MYO3B: variants seen among roughly 807,000 people sequenced by gnomAD.
MYO3B encodes the protein myosin IIIB.
A neutral mutation model predicts 174.6 loss-of-function variants in MYO3B; 156 were observed. The observed-to-expected ratio is 0.89, with a 90% CI of 0.78 to 1.02. The LOEUF is 1.02. Ranked by LOEUF, MYO3B falls within the 50% of genes least tolerant of loss-of-function variation. MYO3B has a pLI of 0.00. For missense variants in MYO3B, 1,632 were observed against 1,639.4 expected (o/e 1.00, Z 0.08); for synonymous variants, 563 against 569.1 (o/e 0.99, Z 0.15).
chr2:170,430,816 A>G (rs572922137), intron 22 of MYO3B, among the ~76,000 whole-genome samples: 3 of 152,194 alleles, frequency 2.0e-5, no homozygotes, highest in Non-Finnish European at 2.9e-5. Flanking sequence ...TGATGAGAAT[A>G]TGGAGGAGGT....
chr2:170,585,562 A>G (rs1693449464), intron 32 of MYO3B, among the ~76,000 whole-genome samples: 1 of 152,120 alleles, frequency 6.6e-6, no homozygotes, highest in African/African-American at 2.4e-5. Flanking sequence ...CACACTAGGC[A>G]CAGGTACTTT....
In MYO3B at chr2:170,543,937, C is replaced by A; in HGVS notation, c.3682C>A (p.Pro1228Thr). The A allele has an allele frequency of 6.2e-7, 1 of 1,613,360 alleles. No individual in the cohort carries two copies. Among genetic ancestry groups the A allele is most frequent in the South Asian group, 1.1e-5 (1 of 91,040 alleles). Residue 1228 changes from proline (P) to threonine (T), a missense_variant, in exon 32 of 35, where the codon CCT (proline) becomes ACT (threonine). By Grantham distance (38) the Pro-to-Thr change is conservative. Transcript: ENST00000408978. ...TTTGCTGTCTTCTCGGATATGCCAT[C>A]CTGCTCCAGATCAGCAAGGATTGAG... ...TDLLSSRICH[P>T]APDQQGLSLW...
chr2:170,650,161 C>T (rs932003178), intron 32 of MYO3B, among the ~76,000 whole-genome samples: 3 of 150,376 alleles, frequency 2.0e-5, no homozygotes, highest in Non-Finnish European at 4.4e-5. Flanking sequence ...GCCTCTCAAG[C>T]AGCTGGGACT....
chr2:170,518,015 A>G (rs1239171858), intron 29 of MYO3B, among the ~76,000 whole-genome samples: 1 of 146,138 alleles, frequency 6.8e-6, no homozygotes, highest in Non-Finnish European at 1.5e-5. Flanking sequence ...GTGTGTGTGT[A>G]ATAATAAAAA....
intron 7 of MYO3B, among the ~76,000 whole-genome samples, chr2:170,295,917 T>C (rs1273852554): frequency 6.6e-6 from 1 of 152,210 alleles, no homozygotes; most frequent in African/African-American, 2.4e-5. Context: ...AAGTCTTCTC[T>C]ACCTGAAGCC....
chr2:170,314,263 G>C (rs2093759368), intron 7 of MYO3B, among the ~76,000 whole-genome samples: 1 of 152,138 alleles, frequency 6.6e-6, no homozygotes, highest in Non-Finnish European at 1.5e-5. Flanking sequence ...GGGCAAAATA[G>C]GCTCCGTTTC....
intron 23 of MYO3B, among the ~76,000 whole-genome samples, chr2:170,457,005 T>C (rs1683945035): frequency 6.6e-6 from 1 of 152,220 alleles, no homozygotes; most frequent in South Asian, 2.1e-4. Context: ...CTGAATACTG[T>C]AGGCAATGTA....
intron 23 of MYO3B, among the ~76,000 whole-genome samples, chr2:170,447,207 C>A (rs1180114431): frequency 6.6e-6 from 1 of 152,174 alleles, no homozygotes; most frequent in Non-Finnish European, 1.5e-5. Context: ...GATAGCATGT[C>A]CTTGACTCTA....
At chr2:170,561,015 T>G (rs957919712) in intron 32 of MYO3B, among the ~76,000 whole-genome samples, 1 of 152,244 alleles carries the variant, frequency 6.6e-6, no homozygotes, top group African/African-American at 2.4e-5. Flanking sequence ...ACACTTGTAC[T>G]CTGCCTTCTG....
chr2:170,585,979 T>C (rs1693476762), intron 32 of MYO3B, among the ~76,000 whole-genome samples: 1 of 152,114 alleles, frequency 6.6e-6, no homozygotes, highest in Non-Finnish European at 1.5e-5. Context: ...AGGGGGAGGT[T>C]GCATTCCAGC....
Position 170,326,132 on chromosome 2 carries a change from C to CT in MYO3B, c.750-9239dup, listed in dbSNP as rs1039421690. Among the ~76,000 whole-genome samples the CT allele has an allele frequency of 3.3e-3, 465 of 141,934 alleles. 1 individual carries two copies. Among genetic ancestry groups the CT allele is most frequent in the African/African-American group, 6.8e-3 (266 of 39,016 alleles). 93.1% of individuals were successfully genotyped at this position (141,934 alleles called of 152,430 possible). On this transcript the variant is annotated intron_variant, in intron 7 of 34. Coordinates refer to ENST00000408978, the MANE Select transcript of MYO3B (RefSeq NM_138995.5). ...TTTTTATCCCACCACACATATAAAG[C>CT]TTTTTTTTTTTTTTCTTAAAATACT...
At chr2:170,413,470 C>T (rs1001451218) in intron 22 of MYO3B, among the ~76,000 whole-genome samples, 1 of 151,662 alleles carries the variant, frequency 6.6e-6, no homozygotes, top group Non-Finnish European at 1.5e-5. Context: ...TCTGAACTGC[C>T]GTGAGTGGTG....
intron 3 of MYO3B, among the ~76,000 whole-genome samples, chr2:170,212,897 G>A (rs1364209919): frequency 2.6e-5 from 4 of 152,196 alleles, no homozygotes; most frequent in East Asian, 1.9e-4. Flanking sequence ...TGCGGGGCAG[G>A]TCAGAGATTC....
chr2:170,636,855 T>C (rs768935195), intron 32 of MYO3B, among the ~76,000 whole-genome samples: 27 of 149,502 alleles, frequency 1.8e-4, no homozygotes, highest in Non-Finnish European at 3.6e-4. Context: ...ACCACTGATA[T>C]GAGCCTCCTG....
At chr2:170,581,368 TATTA>T (rs1693140268) in intron 32 of MYO3B, among the ~76,000 whole-genome samples, 1 of 152,236 alleles carries the variant, frequency 6.6e-6, no homozygotes, top group South Asian at 2.1e-4. Flanking sequence ...ATATTGTGGC[TATTA>T]ATTATTTGCA....
At chr2:170,638,107 T>A (rs62168253) in intron 32 of MYO3B, among the ~76,000 whole-genome samples, 230 of 148,924 alleles carry the variant, frequency 1.5e-3, no homozygotes, top group Non-Finnish European at 2.2e-3. Flanking sequence ...TCTCTCTCTC[T>A]CTCACACACA....
intron 7 of MYO3B, among the ~76,000 whole-genome samples, chr2:170,279,765 C>T (rs1490747262): frequency 6.6e-6 from 1 of 152,146 alleles, no homozygotes; most frequent in Non-Finnish European, 1.5e-5. Context: ...TGGCCTCCAG[C>T]TCCATCCATG....
At chr2:170,349,771 C>G (rs2094047094) in intron 8 of MYO3B, 1 of 130,448 alleles carries the variant, frequency 7.7e-6, no homozygotes, top group Non-Finnish European at 1.5e-5. Context: ...GCACTCCAGC[C>G]TGAGCGATGG....
chr2:170,532,581 G>C (rs1425512430), intron 30 of MYO3B, among the ~76,000 whole-genome samples: 12 of 152,148 alleles, frequency 7.9e-5, no homozygotes, highest in Non-Finnish European at 1.8e-4. Context: ...GGGAGGCCAA[G>C]GTGGGCGGAT....
Sources: allele counts gnomAD v4.1 joint callset (sites outside exome capture counted in the v4.1 genomes callset), GRCh38; gene constraint gnomAD v4.1.1; transcripts MANE v1.5; gene names NCBI Gene and HGNC (gene_info 2026-07-23, HGNC 2026-07-21).